DLGAP4: variants seen among roughly 807,000 people sequenced by gnomAD.
DLGAP4 encodes the protein DLG associated protein 4.
DLGAP4 carries 18 observed loss-of-function variants against 86.9 expected under a neutral mutation model. The ratio of observed to expected loss-of-function variants is 0.21; its 90% confidence interval spans 0.14 to 0.31. The LOEUF (loss-of-function observed/expected upper bound fraction) is 0.31. DLGAP4 is among the 10% of genes least tolerant of loss of function. DLGAP4 has a pLI of 1.00. For missense variants in DLGAP4, 1,085 were observed against 1,362.6 expected, an observed-to-expected ratio of 0.80 and a Z score of 3.21; for synonymous variants, 548 against 574.3, an observed-to-expected ratio of 0.95 and a Z score of 0.65.
At chr20:36,387,149 A>C (rs2031626932) in intron 2 of DLGAP4, among the ~76,000 whole-genome samples, 1 of 152,224 alleles carries the variant, frequency 6.6e-6, no homozygotes, top group South Asian at 2.1e-4. Context: ...TGTTAGTGAT[A>C]TATCTGAGTT....
chr20:36,393,391 T>G lies in DLGAP4; in HGVS notation c.-73+26116T>G, dbSNP rs1169678023. The stretch of plus-strand genomic sequence containing the variant: ...TCTTTGCTGGGCCTCAGCTTCCTCA[T>G]CTGGTAAACAATAAAATTAATCCCT... On this transcript the variant is annotated intron_variant, in intron 2 of 12. Transcript: ENST00000339266. The surrounding 1 kb of genome is among the most constrained non-coding windows in gnomAD (Gnocchi z 4.4). 6.6e-6 allele frequency among the ~76,000 whole-genome samples: 1 copy of G among 152,080 alleles called. No homozygotes were observed. The highest frequency in any genetic ancestry group is 2.4e-5 in the African/African-American group (1 of 41,410).
intron 7 of DLGAP4, among the ~76,000 whole-genome samples, chr20:36,451,956 C>T (rs568366020): frequency 9.2e-5 from 14 of 151,924 alleles, no homozygotes; most frequent in African/African-American, 3.4e-4. Context: ...GACAGGGTTT[C>T]TCCCTGTAGG....
intron 2 of DLGAP4, among the ~76,000 whole-genome samples, chr20:36,395,845 A>G (rs1879037343): frequency 6.6e-6 from 1 of 152,170 alleles, no homozygotes; most frequent in Non-Finnish European, 1.5e-5. Flanking sequence ...CTGGATGGTC[A>G]CACATATTTG....
chr20:36,382,104 A>C (rs964389542), intron 2 of DLGAP4, among the ~76,000 whole-genome samples: 83 of 152,316 alleles, frequency 5.4e-4, no homozygotes, highest in African/African-American at 1.9e-3. Flanking sequence ...GATGATTGCA[A>C]TTATGGGAGA....
At chr20:36,485,224 AT>A (rs950688192) in intron 7 of DLGAP4, among the ~76,000 whole-genome samples, 2 of 152,200 alleles carry the variant, frequency 1.3e-5, no homozygotes, top group Non-Finnish European at 2.9e-5. Context: ...TCTACAAAAA[AT>A]TAAAAATGAG....
chr20:36,310,255 G>A (rs2065042719), intron 1 of DLGAP4, among the ~76,000 whole-genome samples: 3 of 150,802 alleles, frequency 2.0e-5, no homozygotes, highest in Non-Finnish European at 2.9e-5. Context: ...GAAAAGAATT[G>A]CATGGATAAA....
chr20:36,461,598 C>G (rs1410881192), intron 7 of DLGAP4: 1 of 954,052 alleles, frequency 1.0e-6, no homozygotes, highest in East Asian at 1.2e-4. Flanking sequence ...TCAGCCCGGA[C>G]GCCCGGGGCC....
At chr20:36,327,725 G>T (rs1262578219) in intron 1 of DLGAP4, among the ~76,000 whole-genome samples, 1 of 147,036 alleles carries the variant, frequency 6.8e-6, no homozygotes, top group Non-Finnish European at 1.5e-5. Context: ...CCAAGTAGCT[G>T]GGACTACAGG....
intron 7 of DLGAP4, among the ~76,000 whole-genome samples, chr20:36,483,822 G>A (rs1203502210): frequency 6.6e-6 from 1 of 152,250 alleles, no homozygotes; most frequent in Non-Finnish European, 1.5e-5. Flanking sequence ...TGCACCAGCG[G>A]TCACCAGGCC....
intron 2 of DLGAP4, among the ~76,000 whole-genome samples, chr20:36,378,132 C>G (rs1392305946): frequency 1.3e-5 from 2 of 152,178 alleles, no homozygotes; most frequent in Non-Finnish European, 1.5e-5. Flanking sequence ...AGCTCCTCCC[C>G]CTACGCCAAG....
At chr20:36,519,043 G>C (rs2037208519) in intron 10 of DLGAP4, among the ~76,000 whole-genome samples, 1 of 151,902 alleles carries the variant, frequency 6.6e-6, no homozygotes, top group Non-Finnish European at 1.5e-5. Flanking sequence ...CTTGAACCCG[G>C]GAGGCAGAGG....
intron 1 of DLGAP4, among the ~76,000 whole-genome samples, chr20:36,361,341 A>G (rs1213289282): frequency 6.6e-6 from 1 of 152,234 alleles, no homozygotes; most frequent in African/African-American, 2.4e-5. Context: ...TGCAACAAAT[A>G]CCATTTTAAC....
At chr20:36,357,789 G>A (rs543482132) in intron 1 of DLGAP4, among the ~76,000 whole-genome samples, 46 of 152,356 alleles carry the variant, frequency 3.0e-4, no homozygotes, top group Admixed American at 2.7e-3. Flanking sequence ...ACAGGGAAAT[G>A]TCATTAAAGT....
At chr20:36,320,280 C>T (rs1217365471) in intron 1 of DLGAP4, among the ~76,000 whole-genome samples, 1 of 150,366 alleles carries the variant, frequency 6.7e-6, no homozygotes, top group African/African-American at 2.5e-5. Context: ...CCTCTAAGCC[C>T]TCCTCTGTGT....
chr20:36,437,569 CT>C (rs377276500), intron 4 of DLGAP4, among the ~76,000 whole-genome samples: 1 of 152,196 alleles, frequency 6.6e-6, no homozygotes, highest in Non-Finnish European at 1.5e-5. Flanking sequence ...GATAGACAGA[CT>C]TTTCCTGTCC....
rs534162704 is a variant in DLGAP4, at chr20:36,469,156, A to G, written c.1648+22219A>G. On this transcript the variant is annotated intron_variant, in intron 7 of 12. Coordinates refer to ENST00000339266, the MANE Select transcript of DLGAP4 (RefSeq NM_001365621.2). ...TCACTGTGGCTGAGCTACTTATTCAATAAATATTTATTAAGTGCTGCTCTG... is the reference window on the plus strand; with the variant it reads ...TCACTGTGGCTGAGCTACTTATTCAGTAAATATTTATTAAGTGCTGCTCTG... Among the ~76,000 whole-genome samples, 58 of 152,286 alleles carry G rather than the reference A, an allele frequency of 3.8e-4. 1 individual carries two copies. Among genetic ancestry groups the G allele is most frequent in the Non-Finnish European group, 4.7e-4 (32 of 68,028 alleles).
intron 2 of DLGAP4, among the ~76,000 whole-genome samples, chr20:36,384,071 GA>G (rs11484054): frequency 1.3e-5 from 2 of 149,838 alleles, no homozygotes; most frequent in Non-Finnish European, 3.0e-5. Flanking sequence ...TAACTAGCTA[GA>G]AAAAAAAAGA....
chr20:36,399,928 G>A (rs1362688124), intron 2 of DLGAP4, among the ~76,000 whole-genome samples: 2 of 152,144 alleles, frequency 1.3e-5, no homozygotes, highest in Non-Finnish European at 2.9e-5. Flanking sequence ...ACTGAGCAGG[G>A]GCTACTAGCT....
intron 2 of DLGAP4, among the ~76,000 whole-genome samples, chr20:36,411,529 TAATACA>T (rs1480029394): frequency 1.3e-5 from 2 of 152,202 alleles, no homozygotes; most frequent in Non-Finnish European, 2.9e-5. Flanking sequence ...AGCCCTTTGC[TAATACA>T]AATATTATGT....
Sources: allele counts gnomAD v4.1 joint callset (sites outside exome capture counted in the v4.1 genomes callset), GRCh38; gene constraint gnomAD v4.1.1; non-coding constraint Gnocchi (gnomAD v3.1); transcripts MANE v1.5; gene names NCBI Gene and HGNC (gene_info 2026-07-23, HGNC 2026-07-21).